SCUBE1: variants seen among roughly 807,000 people sequenced by gnomAD.
The protein encoded by SCUBE1 is signal peptide, CUB domain and EGF like domain containing 1.
Under a neutral mutation model 124.4 loss-of-function variants are expected in SCUBE1, and 59 were observed. That is an observed-to-expected ratio of 0.47 (90% CI 0.38 to 0.59). The LOEUF is 0.59. SCUBE1 is among the 20% of genes least tolerant of loss of function. The pLI is 0.00. For synonymous variants in SCUBE1, 545 were observed against 550.9 expected (o/e 0.99, Z 0.15); for missense variants, 1,150 against 1,371.2 (o/e 0.84, Z 2.55).
At position 43,202,438 on chromosome 22, in the gene SCUBE1, C is replaced by A. The variant is rs562979947; in HGVS notation, c.*1559G>T. 6.6e-6 allele frequency: 1 copy of A among 152,354 alleles called. No homozygotes were observed. Among genetic ancestry groups the A allele is most frequent in the Non-Finnish European group, 1.5e-5 (1 of 68,026 alleles). The allele number at this position is 152,354 out of a possible 1,614,324, so 9.4% of individuals were successfully genotyped here. On this transcript the variant is annotated 3_prime_UTR_variant, in exon 22 of 22. Transcript: ENST00000360835. The stretch of plus-strand genomic sequence containing the variant: ...TCAGTATTTGTTAACCTGAAACACA[C>A]AGACCATTTCCCATGCAGGTCCTAC...
intron 6 of SCUBE1, among the ~76,000 whole-genome samples, chr22:43,244,984 C>T (rs12166098): frequency 0.012 from 1,856 of 152,264 alleles, 39 homozygotes; most frequent in African/African-American, 0.042. Flanking sequence ...CCGGCCCTTC[C>T]GGCAGATCTG....
At chr22:43,248,176 ATGAGAGTTGAG>A (rs1923293790) in intron 6 of SCUBE1, among the ~76,000 whole-genome samples, 2 of 152,154 alleles carry the variant, frequency 1.3e-5, no homozygotes, top group African/African-American at 4.8e-5. Flanking sequence ...TAAACATTAG[ATGAGAGTTGAG>A]GACCAAAAGG....
At chr22:43,230,577 A>C (rs1922511532) in intron 8 of SCUBE1, among the ~76,000 whole-genome samples, 1 of 152,214 alleles carries the variant, frequency 6.6e-6, no homozygotes, top group Admixed American at 6.5e-5. Flanking sequence ...CCCTCTGCAG[A>C]AGAACTTGGC....
intron 3 of SCUBE1, among the ~76,000 whole-genome samples, chr22:43,303,652 G>A (rs1297586199): frequency 1.3e-5 from 2 of 152,240 alleles, no homozygotes; most frequent in Non-Finnish European, 2.9e-5. Flanking sequence ...CTGTCTCTGA[G>A]TTTGTGGCCA....
intron 2 of SCUBE1, among the ~76,000 whole-genome samples, chr22:43,321,156 C>G (rs1233325050): frequency 6.6e-6 from 1 of 152,202 alleles, no homozygotes; most frequent in African/African-American, 2.4e-5. Context: ...TCTCACGAGA[C>G]GACGGAGTAG....
Position 43,291,462 on chromosome 22 carries a change from C to T in SCUBE1, c.350-282G>A, listed in dbSNP as rs141683706. Among the ~76,000 whole-genome samples the T allele has an allele frequency of 8.9e-4, 96 of 107,848 alleles. 1 individual carries two copies. The highest frequency in any genetic ancestry group is 0.011 in the Middle Eastern group (2 of 174). The allele number at this position is 107,848 out of a possible 152,430, so 70.8% of individuals were successfully genotyped here. ...CTATAGTGGTACGGAGGGTCTCCAT[C>T]GCGCTGTGCTACAGTGGTACAGTGG... is the stretch of plus-strand genomic sequence containing the variant. On this transcript the variant is annotated intron_variant, in intron 3 of 21. Coordinates refer to ENST00000360835, the MANE Select transcript of SCUBE1 (RefSeq NM_173050.5).
chr22:43,219,354 G>A (rs909500973), intron 14 of SCUBE1, among the ~76,000 whole-genome samples: 1 of 152,184 alleles, frequency 6.6e-6, no homozygotes, highest in Non-Finnish European at 1.5e-5. Context: ...CTAAGGCCTC[G>A]CCAGGCAGAT....
chr22:43,250,893 G>A (rs888164466), intron 6 of SCUBE1, among the ~76,000 whole-genome samples: 8 of 152,300 alleles, frequency 5.3e-5, no homozygotes, highest in African/African-American at 9.6e-5. Context: ...GCAGAACCGC[G>A]TCCCTCAGGC....
chr22:43,317,406 C>T (rs528811887), intron 3 of SCUBE1, among the ~76,000 whole-genome samples: 64 of 152,286 alleles, frequency 4.2e-4, no homozygotes, highest in Non-Finnish European at 7.4e-4. Flanking sequence ...TAACAGTTCT[C>T]GGCTGCTGAG....
At chr22:43,276,824 G>A (rs566105162) in intron 4 of SCUBE1, among the ~76,000 whole-genome samples, 1 of 152,284 alleles carries the variant, frequency 6.6e-6, no homozygotes, top group Non-Finnish European at 1.5e-5. Context: ...GTGTTTCCAG[G>A]GCCTCTGCTA....
chr22:43,340,527 CACACAG>C (rs1927278372), intron 1 of SCUBE1, among the ~76,000 whole-genome samples: 1 of 132,834 alleles, frequency 7.5e-6, no homozygotes. Context: ...CACACACACA[CACACAG>C]AGTTCAGGCA....
intron 8 of SCUBE1, among the ~76,000 whole-genome samples, chr22:43,229,804 G>A (rs1167087460): frequency 6.6e-6 from 1 of 152,100 alleles, no homozygotes; most frequent in South Asian, 2.1e-4. Context: ...GTCATGGGGT[G>A]TTTGTTCCTG....
intron 4 of SCUBE1, among the ~76,000 whole-genome samples, chr22:43,270,777 C>T (rs890021270): frequency 2.0e-5 from 3 of 152,236 alleles, no homozygotes; most frequent in Non-Finnish European, 2.9e-5. Context: ...TCTCCAGCTG[C>T]AGAGGGAACT....
intron 6 of SCUBE1, among the ~76,000 whole-genome samples, chr22:43,248,127 A>G (rs746669367): frequency 1.1e-4 from 16 of 152,200 alleles, no homozygotes; most frequent in Non-Finnish European, 1.6e-4. Context: ...TCTAGGAGAG[A>G]GGAAACAGGG....
chr22:43,262,978 C>A, intron 4 of SCUBE1, 133 bp from the exon 5 acceptor site: 1 of 922,220 alleles, frequency 1.1e-6, no homozygotes, highest in African/African-American at 1.6e-5. Flanking sequence ...CATGCACACA[C>A]ACGCACTTGC....
chr22:43,231,051 C>T (rs892800205), intron 8 of SCUBE1, among the ~76,000 whole-genome samples: 1 of 152,222 alleles, frequency 6.6e-6, no homozygotes, highest in Non-Finnish European at 1.5e-5. Context: ...GCACTTTCTC[C>T]CAGTGTGGGG....
intron 6 of SCUBE1, among the ~76,000 whole-genome samples, chr22:43,252,485 T>G (rs999847125): frequency 6.6e-6 from 1 of 152,198 alleles, no homozygotes; most frequent in South Asian, 2.1e-4. Flanking sequence ...GGGCACAGAC[T>G]CTGGAGCCAC....
intron 4 of SCUBE1, among the ~76,000 whole-genome samples, chr22:43,264,374 C>T (rs144476882): frequency 3.3e-4 from 51 of 152,292 alleles, no homozygotes; most frequent in African/African-American, 1.2e-3. Flanking sequence ...CAATAAGAGA[C>T]GAGGTCTGTC....
intron 6 of SCUBE1, among the ~76,000 whole-genome samples, chr22:43,252,151 T>G (rs1222378784): frequency 6.6e-6 from 1 of 152,198 alleles, no homozygotes; most frequent in Admixed American, 6.5e-5. Flanking sequence ...GGGACTGGGG[T>G]GACTATCACA....
Sources: gnomAD v4.1 joint callset for allele counts (sites outside exome capture counted in the v4.1 genomes callset) on GRCh38, gnomAD v4.1.1 for gene constraint, MANE v1.5 for transcripts, NCBI Gene and HGNC (gene_info 2026-07-23, HGNC 2026-07-21) for gene names.